The following TULP3 variants were observed in gnomAD, a reference collection of about 807,000 sequenced individuals.
TULP3 encodes TUB like protein 3, also known as tubby-related protein 3.
TULP3 carries 38 observed loss-of-function variants against 50.7 expected under a neutral mutation model. The observed-to-expected ratio is 0.75, with a 90% CI of 0.58 to 0.98. The LOEUF is 0.98. Ranked by LOEUF, TULP3 falls within the 50% of genes least tolerant of loss-of-function variation. TULP3 has a pLI of 0.00. For missense variants in TULP3, 550 were observed against 568.0 expected, an observed-to-expected ratio of 0.97 and a Z score of 0.32; for synonymous variants, 183 against 196.6, an observed-to-expected ratio of 0.93 and a Z score of 0.58.
At chr12:2,915,945 G>A (rs1380345170) in intron 2 of TULP3, among the ~76,000 whole-genome samples, 2 of 152,166 alleles carry the variant, frequency 1.3e-5, no homozygotes, top group African/African-American at 4.8e-5. Flanking sequence ...TGTAACCTTA[G>A]CCCATCACCT....
chr12:2,903,110 C>T (rs1279202717), intron 1 of TULP3, among the ~76,000 whole-genome samples: 2 of 151,816 alleles, frequency 1.3e-5, no homozygotes, highest in Non-Finnish European at 2.9e-5. Flanking sequence ...GATCTCCCCA[C>T]GTTAGCCTCC....
intron 1 of TULP3, among the ~76,000 whole-genome samples, chr12:2,908,538 G>A (rs1344383676): frequency 1.3e-5 from 2 of 152,026 alleles, no homozygotes; most frequent in African/African-American, 4.8e-5. Context: ...CGATTCTCCT[G>A]CCTCAGTTCC....
At chr12:2,891,106 A>T in intron 1 of TULP3, 118 bp downstream of exon 1, 1 of 1,235,372 alleles carries the variant, frequency 8.1e-7, no homozygotes. Flanking sequence ...TTGGCGACTC[A>T]GGGAGGGACT....
At chr12:2,899,675 C>T (rs1411433691) in intron 1 of TULP3, among the ~76,000 whole-genome samples, 4 of 152,028 alleles carry the variant, frequency 2.6e-5, no homozygotes, top group East Asian at 1.9e-4. Context: ...GGGCGGATCA[C>T]GAGGTCAGAA....
intron 1 of TULP3, among the ~76,000 whole-genome samples, chr12:2,897,771 T>TAAAAAAA (rs71057851): frequency 4.0e-5 from 5 of 125,756 alleles, no homozygotes; most frequent in Admixed American, 3.3e-4. Context: ...CCCTGTCTCT[T>TAAAAAAA]AAAAAAAAAA....
intron 8 of TULP3, among the ~76,000 whole-genome samples, chr12:2,936,686 T>C (rs1591539360): frequency 6.7e-6 from 1 of 150,374 alleles, no homozygotes; most frequent in Admixed American, 6.6e-5. Flanking sequence ...GAGGCGGAGG[T>C]TGTGGTGAGC....
chr12:2,919,660 G>C (rs920840862), intron 2 of TULP3, among the ~76,000 whole-genome samples: 5 of 151,954 alleles, frequency 3.3e-5, no homozygotes, highest in Non-Finnish European at 7.4e-5. Flanking sequence ...CCTACTCTGA[G>C]TTATCCCAGA....
At chr12:2,933,821 C>T (rs1299934598) in intron 7 of TULP3, among the ~76,000 whole-genome samples, 1 of 151,988 alleles carries the variant, frequency 6.6e-6, no homozygotes, top group African/African-American at 2.4e-5. Flanking sequence ...TGTGGTAGAA[C>T]AGCCTGTAAT....
At chr12:2,930,385 ACT>A in intron 5 of TULP3, 40 bp downstream of exon 5, 2 of 1,310,698 alleles carry the variant, frequency 1.5e-6, no homozygotes, top group Non-Finnish European at 2.2e-6. Flanking sequence ...AGCTAATTTG[ACT>A]CTTTCTCAAA....
At chr12:2,894,428 C>T (rs894023560) in intron 1 of TULP3, among the ~76,000 whole-genome samples, 1 of 151,890 alleles carries the variant, frequency 6.6e-6, no homozygotes, top group Non-Finnish European at 1.5e-5. Context: ...CTTAGCTACT[C>T]AGGAGCTGAG....
chr12:2,930,320 A>G lies in TULP3; in HGVS notation c.467A>G (p.Asn156Ser). ...CAGTCAGCATGTTTAGAAAGACCCA[A>G]TTCTGCATCAAGCCAGAATTCAACC... The part of the protein sequence containing the change: ...ISQSACLERP[N>S]SASSQNSTDT... The change falls in exon 5 of 11, where the codon AAT (asparagine) becomes AGT (serine). Residue 156 changes from asparagine (N) to serine (S), a missense_variant. Transcript: ENST00000448120. 1.2e-6 allele frequency: 2 copies of G among 1,612,326 alleles called. No individual in the cohort carries two copies. Among genetic ancestry groups the G allele is most frequent in the East Asian group, 2.2e-5 (1 of 44,846 alleles).
At chr12:2,913,942 A>G (rs1420298276) in intron 2 of TULP3, among the ~76,000 whole-genome samples, 1 of 151,946 alleles carries the variant, frequency 6.6e-6, no homozygotes, top group Non-Finnish European at 1.5e-5. Flanking sequence ...ACGTATAATA[A>G]TTGTACATAT....
intron 1 of TULP3, among the ~76,000 whole-genome samples, chr12:2,907,452 G>T (rs1383709703): frequency 7.0e-6 from 1 of 143,760 alleles, no homozygotes; most frequent in Non-Finnish European, 1.5e-5. Flanking sequence ...TCCAGCCTGG[G>T]CGACAGAGTG....
intron 1 of TULP3, among the ~76,000 whole-genome samples, chr12:2,900,364 A>T (rs1216380963): frequency 1.3e-5 from 2 of 152,240 alleles, no homozygotes; most frequent in African/African-American, 4.8e-5. Flanking sequence ...TGGATTGGAA[A>T]TGTTGCCTGC....
intron 5 of TULP3, 141 bp downstream of exon 5, chr12:2,930,486 T>C (rs919838389): frequency 7.2e-6 from 4 of 557,366 alleles, no homozygotes; most frequent in Non-Finnish European, 1.2e-5. Flanking sequence ...TGCAGTGGCA[T>C]GATCTCAGCT....
intron 1 of TULP3, among the ~76,000 whole-genome samples, chr12:2,894,529 C>T (rs1244132445): frequency 8.0e-6 from 1 of 124,730 alleles, no homozygotes; most frequent in Non-Finnish European, 1.6e-5. Flanking sequence ...AGCAAGACTC[C>T]GTCTCAAAAA....
At chr12:2,937,480 G>A (rs1416333809) in intron 8 of TULP3, 151 bp from the exon 9 acceptor site, 2 of 631,296 alleles carry the variant, frequency 3.2e-6, no homozygotes, top group South Asian at 1.9e-5. Flanking sequence ...GCCTCCCAAA[G>A]TGCTGGGATT....
At chr12:2,934,631 G>T (rs116360584) in intron 8 of TULP3, 70 bp downstream of exon 8, 2 of 942,926 alleles carry the variant, frequency 2.1e-6, no homozygotes, top group Non-Finnish European at 3.0e-6. Context: ...ACCTAGTGTC[G>T]CTGAAGAACC....
chr12:2,914,333 A>C (rs1192159827), intron 2 of TULP3, among the ~76,000 whole-genome samples: 1 of 151,864 alleles, frequency 6.6e-6, no homozygotes, highest in Non-Finnish European at 1.5e-5. Flanking sequence ...CATGTTGGTT[A>C]GGCTGGTCTC....
Sources: gnomAD v4.1 joint callset for allele counts (sites outside exome capture counted in the v4.1 genomes callset) on GRCh38, gnomAD v4.1.1 for gene constraint, MANE v1.5 for transcripts, NCBI Gene and HGNC (gene_info 2026-07-23, HGNC 2026-07-21) for gene names.